DENND1B: variants seen among roughly 807,000 people sequenced by gnomAD.
The protein encoded by DENND1B is DENN domain-containing protein 1B.
In DENND1B, 59 loss-of-function variants were observed where a neutral mutation model predicts 90.1. That is an observed-to-expected ratio of 0.65 (90% CI 0.53 to 0.81). The LOEUF is 0.81. Among genes scored for constraint, DENND1B ranks in the 40% least tolerant of loss-of-function variants. DENND1B has a pLI of 0.00. For missense variants in DENND1B, 862 were observed against 912.6 expected, an observed-to-expected ratio of 0.94 and a Z score of 0.71; for synonymous variants, 337 against 324.6, an observed-to-expected ratio of 1.04 and a Z score of -0.41.
intron 14 of DENND1B, among the ~76,000 whole-genome samples, chr1:197,592,192 C>T (rs915698312): frequency 6.6e-6 from 1 of 150,584 alleles, no homozygotes; most frequent in African/African-American, 2.4e-5. Flanking sequence ...AGAGAGGGAC[C>T]GTGAAAAAAA....
intron 2 of DENND1B, among the ~76,000 whole-genome samples, chr1:197,753,383 T>C (rs1291655359): frequency 1.3e-5 from 2 of 151,992 alleles, no homozygotes; most frequent in African/African-American, 4.8e-5. Flanking sequence ...AGTAAAAAGA[T>C]CAAGGGTTGG....
At chr1:197,768,684 A>T (rs1002384901) in intron 2 of DENND1B, among the ~76,000 whole-genome samples, 5 of 145,924 alleles carry the variant, frequency 3.4e-5, no homozygotes, top group African/African-American at 1.2e-4. Flanking sequence ...AACCTCCATT[A>T]AAAAAAAAAA....
At chr1:197,558,050 T>C (rs1000779091) in intron 15 of DENND1B, among the ~76,000 whole-genome samples, 9 of 151,992 alleles carry the variant, frequency 5.9e-5, no homozygotes, top group African/African-American at 1.9e-4. Flanking sequence ...TTTATTATTA[T>C]AAGTAATGAC....
intron 15 of DENND1B, among the ~76,000 whole-genome samples, chr1:197,578,270 A>C (rs1462668599): frequency 6.6e-6 from 1 of 151,966 alleles, no homozygotes; most frequent in South Asian, 2.1e-4. Flanking sequence ...TTTGAGATGG[A>C]GTCTTGCTCT....
intron 15 of DENND1B, among the ~76,000 whole-genome samples, chr1:197,580,258 ATT>A (rs36028786): frequency 4.4e-5 from 5 of 113,174 alleles, no homozygotes; most frequent in Non-Finnish European, 3.6e-5. Flanking sequence ...CGCCCAGCTA[ATT>A]TTTTTTTTTT....
chr1:197,646,562 TAAG>T (rs1342313141), intron 8 of DENND1B, among the ~76,000 whole-genome samples: 1 of 151,966 alleles, frequency 6.6e-6, no homozygotes, highest in Non-Finnish European at 1.5e-5. Flanking sequence ...CTGAATCACA[TAAG>T]GACATATTTA....
chr1:197,542,132 A>T, intron 18 of DENND1B, among the ~76,000 whole-genome samples: 1 of 152,226 alleles, frequency 6.6e-6, no homozygotes, highest in East Asian at 1.9e-4. Context: ...TGCTCCAAGC[A>T]AATGGCTTTG....
intron 4 of DENND1B, among the ~76,000 whole-genome samples, 174 bp downstream of exon 4, chr1:197,673,946 A>C (rs1290858418): frequency 6.6e-6 from 1 of 152,142 alleles, no homozygotes; most frequent in East Asian, 1.9e-4. Context: ...ATGTGATTTA[A>C]AAGGCTTCCT....
intron 20 of DENND1B, among the ~76,000 whole-genome samples, chr1:197,529,262 GTGTGTGTATATGTA>G (rs1558205983): frequency 3.3e-5 from 3 of 90,908 alleles, no homozygotes; most frequent in Admixed American, 1.0e-4. Context: ...GTGTGTGTGT[GTGTGTGTATATGTA>G]TATATGTATA....
rs761018605 is a variant in DENND1B, at chr1:197,526,019, G to A, written c.1516-13066C>T. 7.2e-5 allele frequency among the ~76,000 whole-genome samples: 11 copies of A among 152,162 alleles called. No homozygotes were observed. The South Asian group carries it at 2.3e-3, about 32-fold the overall frequency. On this transcript the variant is annotated intron_variant, in intron 20 of 22. Transcript: ENST00000620048. ...GTCCTATTTTGTAATTAGTATAGGCGCACAGGCCAACTTAAGATATTTATG... is the reference window on the plus strand; with the variant it reads ...GTCCTATTTTGTAATTAGTATAGGCACACAGGCCAACTTAAGATATTTATG...
intron 10 of DENND1B, among the ~76,000 whole-genome samples, chr1:197,636,235 C>G (rs1169647470): frequency 6.6e-6 from 1 of 151,760 alleles, no homozygotes; most frequent in African/African-American, 2.4e-5. Flanking sequence ...AGTGCTAGCC[C>G]TAAAAGTGGT....
At chr1:197,535,251 T>C (rs1199336884) in intron 20 of DENND1B, among the ~76,000 whole-genome samples, 2 of 152,180 alleles carry the variant, frequency 1.3e-5, no homozygotes, top group African/African-American at 4.8e-5. Context: ...CCTCCAGGCA[T>C]TTAAAAATGC....
At chr1:197,758,027 A>G (rs1442893227) in intron 2 of DENND1B, among the ~76,000 whole-genome samples, 1 of 152,194 alleles carries the variant, frequency 6.6e-6, no homozygotes, top group East Asian at 1.9e-4. Context: ...CATATATGGA[A>G]TTCTAACTTT....
chr1:197,591,902 A>G (rs1195856003), intron 14 of DENND1B, among the ~76,000 whole-genome samples: 1 of 152,048 alleles, frequency 6.6e-6, no homozygotes, highest in Non-Finnish European at 1.5e-5. Flanking sequence ...CGAGGTCAGG[A>G]GATCAAGACC....
intron 8 of DENND1B, among the ~76,000 whole-genome samples, chr1:197,646,259 C>T (rs1299462474): frequency 6.6e-6 from 1 of 151,828 alleles, no homozygotes; most frequent in Non-Finnish European, 1.5e-5. Context: ...ACATCAACCA[C>T]CCTATTATTT....
intron 3 of DENND1B, among the ~76,000 whole-genome samples, chr1:197,714,201 C>T (rs1167535726): frequency 2.6e-5 from 4 of 151,356 alleles, no homozygotes; most frequent in African/African-American, 7.3e-5. Context: ...TCTCGAACTC[C>T]TGACCTCATG....
At chr1:197,513,415 A>T (rs1294514338) in intron 20 of DENND1B, among the ~76,000 whole-genome samples, 1 of 151,634 alleles carries the variant, frequency 6.6e-6, no homozygotes, top group Non-Finnish European at 1.5e-5. Flanking sequence ...TAAATCGCTT[A>T]GGGACTTATA....
chr1:197,734,790 C>A, intron 2 of DENND1B: 1 of 983,004 alleles, frequency 1.0e-6, no homozygotes, highest in Non-Finnish European at 1.2e-6. Context: ...TTAGGAGAAA[C>A]ATAAATATGC....
chr1:197,772,748 C>G, intron 2 of DENND1B, 120 bp downstream of exon 2: 2 of 799,262 alleles, frequency 2.5e-6, no homozygotes, highest in Non-Finnish European at 4.0e-6. Flanking sequence ...TCACCTGAAC[C>G]CGGGAAGGAG....
Sources: allele counts gnomAD v4.1 joint callset (sites outside exome capture counted in the v4.1 genomes callset), GRCh38; gene constraint gnomAD v4.1.1; transcripts MANE v1.5; gene names NCBI Gene and HGNC (gene_info 2026-07-23, HGNC 2026-07-21).